The following PRKN variants were observed in gnomAD, a reference collection of about 807,000 sequenced individuals.
PRKN encodes E3 ubiquitin-protein ligase parkin.
Under a neutral mutation model 59.5 loss-of-function variants are expected in PRKN, and 56 were observed. The ratio of observed to expected loss-of-function variants is 0.94; its 90% confidence interval spans 0.76 to 1.18. PRKN has a LOEUF of 1.18. Ranked by LOEUF, PRKN falls within the 50% of genes most tolerant of loss-of-function variation. PRKN has a pLI of 0.00. For missense variants in PRKN, 657 were observed against 596.4 expected (o/e 1.10, Z -1.06); for synonymous variants, 250 against 222.1 (o/e 1.13, Z -1.12).
intron 6 of PRKN, among the ~76,000 whole-genome samples, chr6:161,910,563 C>T (rs1378751434): frequency 1.3e-5 from 2 of 152,094 alleles, no homozygotes; most frequent in Admixed American, 6.6e-5. Context: ...CTGAAAGAAT[C>T]TGAATATTAC....
In PRKN at chr6:161,499,085, T is replaced by C. The variant is rs552744505; in HGVS notation, c.1083+49769A>G. ...TCCCAGCTAGGGTTTCGTTCAAAGGTCACAACTGGTGGCTTGTGAGCAGGG... is the reference window on the plus strand; with the variant it reads ...TCCCAGCTAGGGTTTCGTTCAAAGGCCACAACTGGTGGCTTGTGAGCAGGG... On this transcript the variant is annotated intron_variant, in intron 9 of 11. Coordinates refer to ENST00000366898, the MANE Select transcript of PRKN (RefSeq NM_004562.3). This position sits in a 1 kb window ranked among gnomAD's most constrained non-coding sequence, Gnocchi z 4.2. Among the ~76,000 whole-genome samples, 113 of 150,292 alleles carry C rather than the reference T, an allele frequency of 7.5e-4. No homozygotes were observed. The highest frequency in any genetic ancestry group is 2.7e-3 in the African/African-American group (109 of 40,882).
intron 7 of PRKN, among the ~76,000 whole-genome samples, chr6:161,637,000 C>T (rs1028985995): frequency 1.3e-5 from 2 of 152,182 alleles, no homozygotes; most frequent in African/African-American, 4.8e-5. Context: ...CATAAAATGC[C>T]TCATCAGAAT....
chr6:161,763,152 G>A (rs917694794), intron 7 of PRKN, among the ~76,000 whole-genome samples: 3 of 152,164 alleles, frequency 2.0e-5, no homozygotes, highest in African/African-American at 7.2e-5. Context: ...TTCCTGGACT[G>A]AAGTTTGAAT....
At chr6:161,779,636 G>T in intron 7 of PRKN, among the ~76,000 whole-genome samples, 1 of 150,990 alleles carries the variant, frequency 6.6e-6, no homozygotes. Context: ...GTAGAGACAG[G>T]GTTTCATCAT....
intron 1 of PRKN, among the ~76,000 whole-genome samples, chr6:162,595,384 T>C (rs1323502683): frequency 1.3e-5 from 2 of 151,870 alleles, no homozygotes; most frequent in Non-Finnish European, 2.9e-5. Flanking sequence ...GCCTCCCAAG[T>C]AGCTGGGACT....
rs1786855256 is a variant in PRKN, at chr6:161,398,177, G to A, written c.1084-11300C>T. Among the ~76,000 whole-genome samples the A allele has an allele frequency of 2.0e-5, 3 of 152,084 alleles. No individual in the cohort carries two copies. In the South Asian group the frequency reaches 6.2e-4, roughly 32 times the overall value. On this transcript the variant is annotated intron_variant, in intron 9 of 11. Coordinates refer to ENST00000366898, the MANE Select transcript of PRKN (RefSeq NM_004562.3). ...CAAGGAGATGACACCCATGCCCTTG[G>A]TCTTCCTAACAGAGCACCATAGCAG... is the stretch of plus-strand genomic sequence containing the variant.
At chr6:162,627,381 G>A (rs970092653) in intron 1 of PRKN, among the ~76,000 whole-genome samples, 1 of 152,182 alleles carries the variant, frequency 6.6e-6, no homozygotes, top group African/African-American at 2.4e-5. Flanking sequence ...GTTTGTCATA[G>A]GAAATGATTT....
chr6:162,528,802 T>TAAAAC (rs111353940), intron 1 of PRKN, among the ~76,000 whole-genome samples: 74 of 151,484 alleles, frequency 4.9e-4, no homozygotes, highest in East Asian at 1.4e-3. Flanking sequence ...TGTCTCTAAT[T>TAAAAC]AAAACAAAAC....
At chr6:161,716,214 C>T (rs1786971854) in intron 7 of PRKN, 5 of 632,836 alleles carry the variant, frequency 7.9e-6, no homozygotes, top group Non-Finnish European at 1.3e-5. Context: ...CATATTATTG[C>T]TGTTGGAGTA....
At chr6:161,776,127 G>T (rs1164720050) in intron 7 of PRKN, among the ~76,000 whole-genome samples, 2 of 152,162 alleles carry the variant, frequency 1.3e-5, no homozygotes, top group Non-Finnish European at 2.9e-5. Context: ...GCTTATAAAG[G>T]ACAAGAAGTA....
In PRKN at chr6:162,145,287, G is replaced by A. The variant is rs1781973629; in HGVS notation, c.534+55844C>T. 3.9e-5 allele frequency among the ~76,000 whole-genome samples: 6 copies of A among 152,278 alleles called. No homozygotes were observed. In the South Asian group the frequency reaches 1.2e-3, roughly 32 times the overall value. On this transcript the variant is annotated intron_variant, in intron 4 of 11. Coordinates refer to ENST00000366898, the MANE Select transcript of PRKN (RefSeq NM_004562.3). ...AACAGTTCGTACCAGTGTTCAAACA[G>A]ATAAAGACAATACATTCAGAATAAG...
At chr6:161,851,766 G>A (rs1024514553) in intron 6 of PRKN, among the ~76,000 whole-genome samples, 4 of 149,120 alleles carry the variant, frequency 2.7e-5, no homozygotes, top group Non-Finnish European at 5.9e-5. Flanking sequence ...GTGAGTCACC[G>A]CACCTGGCCC....
chr6:162,020,069 A>G (rs1003273573), intron 5 of PRKN, among the ~76,000 whole-genome samples: 1 of 152,040 alleles, frequency 6.6e-6, no homozygotes, highest in Non-Finnish European at 1.5e-5. Flanking sequence ...GCCTTGGTCT[A>G]ATGTCAGCAG....
chr6:162,604,102 C>T (rs1044293214), intron 1 of PRKN, among the ~76,000 whole-genome samples: 3 of 152,136 alleles, frequency 2.0e-5, no homozygotes, highest in Admixed American at 2.0e-4. Context: ...CACACTGCAC[C>T]GCAGCAATTG....
intron 1 of PRKN, among the ~76,000 whole-genome samples, chr6:162,701,112 T>C (rs1289410942): frequency 6.6e-6 from 1 of 152,152 alleles, no homozygotes; most frequent in Admixed American, 6.5e-5. Context: ...CATTAAAATC[T>C]GAGGACTAAT....
intron 4 of PRKN, among the ~76,000 whole-genome samples, chr6:162,111,903 A>T (rs1436573090): frequency 1.3e-5 from 2 of 152,214 alleles, no homozygotes; most frequent in Non-Finnish European, 2.9e-5. Flanking sequence ...TGTTGAATCC[A>T]AAGTTTCGTT....
rs1254098004 is a variant in PRKN at position 161,588,068 on chromosome 6, C to T, written c.872-18652G>A. 6.6e-6 allele frequency among the ~76,000 whole-genome samples: 1 copy of T among 152,062 alleles called. No homozygotes were observed. Among genetic ancestry groups the T allele is most frequent in the African/African-American group, 2.4e-5 (1 of 41,414 alleles). On this transcript the variant is annotated intron_variant, in intron 7 of 11. Coordinates refer to ENST00000366898, the MANE Select transcript of PRKN (RefSeq NM_004562.3). The surrounding 1 kb of genome is among the most constrained non-coding windows in gnomAD (Gnocchi z 5.0). ...CATTAATAAGACCATGTCAATAGAG[C>T]GTTAATTATTAGGATTAAAAATTTA...
intron 7 of PRKN, among the ~76,000 whole-genome samples, chr6:161,657,323 C>A (rs748010059): frequency 6.6e-6 from 1 of 152,076 alleles, no homozygotes; most frequent in African/African-American, 2.4e-5. Context: ...CCTATTAGGC[C>A]CTTTTAGACA....
At chr6:161,657,470 C>T (rs1202267753) in intron 7 of PRKN, among the ~76,000 whole-genome samples, 2 of 152,212 alleles carry the variant, frequency 1.3e-5, no homozygotes, top group African/African-American at 2.4e-5. Flanking sequence ...GGCCTCTCCA[C>T]CCGCACCCAC....
Sources: gnomAD v4.1 joint callset for allele counts (sites outside exome capture counted in the v4.1 genomes callset) on GRCh38, gnomAD v4.1.1 for gene constraint, Gnocchi (gnomAD v3.1) non-coding constraint, MANE v1.5 for transcripts, NCBI Gene and HGNC (gene_info 2026-07-23, HGNC 2026-07-21) for gene names.